Variants in MCHR2 observed in about 807,000 individuals in gnomAD.
MCHR2 encodes melanin concentrating hormone receptor 2.
In MCHR2, 15 loss-of-function variants were observed where a neutral mutation model predicts 24.8. That is an observed-to-expected ratio of 0.60 (90% CI 0.40 to 0.93). The LOEUF (loss-of-function observed/expected upper bound fraction) is 0.93, where lower values mean the gene tolerates loss of function less well. Ranked by LOEUF, MCHR2 falls within the 40% of genes least tolerant of loss-of-function variation. The probability of loss-of-function intolerance (pLI) is 0.00; values close to 1 mark genes in which losing one functional copy is unlikely to be tolerated. For missense variants in MCHR2, 386 were observed against 408.7 expected, an observed-to-expected ratio of 0.94 and a Z score of 0.48; for synonymous variants, 151 against 147.6, an observed-to-expected ratio of 1.02 and a Z score of -0.17.
intron 2 of MCHR2, among the ~76,000 whole-genome samples, 163 bp from the exon 3 acceptor site, chr6:99,948,134 C>G (rs1251660587): frequency 6.6e-6 from 1 of 152,120 alleles, no homozygotes; most frequent in Non-Finnish European, 1.5e-5. Context: ...TGTATTTAAG[C>G]ATTTTGAACT....
At chr6:99,975,559 A>G (rs1330760084) in intron 1 of MCHR2, among the ~76,000 whole-genome samples, 1 of 152,228 alleles carries the variant, frequency 6.6e-6, no homozygotes, top group East Asian at 1.9e-4. Flanking sequence ...CAGCTCGTGC[A>G]TGGTGCGCTG....
intron 2 of MCHR2, among the ~76,000 whole-genome samples, chr6:99,954,294 A>C (rs1775018903): frequency 6.6e-6 from 1 of 152,150 alleles, no homozygotes; most frequent in Non-Finnish European, 1.5e-5. Context: ...TGTGCTTTTT[A>C]AGTGTAATAT....
intron 2 of MCHR2, among the ~76,000 whole-genome samples, chr6:99,950,881 C>T (rs542279228): frequency 5.9e-5 from 9 of 152,136 alleles, no homozygotes; most frequent in Non-Finnish European, 1.0e-4. Flanking sequence ...CATAACACTA[C>T]GCATGTAGGC....
At chr6:99,930,772 C>T (rs1199486377) in intron 5 of MCHR2, among the ~76,000 whole-genome samples, 1 of 151,996 alleles carries the variant, frequency 6.6e-6, no homozygotes, top group Non-Finnish European at 1.5e-5. Context: ...TAACTTCTTT[C>T]CCTTTGGTTT....
At chr6:99,986,380 C>T (rs755780852) in intron 1 of MCHR2, among the ~76,000 whole-genome samples, 1 of 152,130 alleles carries the variant, frequency 6.6e-6, no homozygotes, top group African/African-American at 2.4e-5. Flanking sequence ...GTATGTTTAT[C>T]TAATGCTGTT....
intron 4 of MCHR2, among the ~76,000 whole-genome samples, chr6:99,936,375 T>C (rs1269469965): frequency 1.3e-5 from 2 of 152,046 alleles, no homozygotes; most frequent in African/African-American, 2.4e-5. Flanking sequence ...TTGATTTTTG[T>C]GTATGGTGAG....
At position 99,974,206 on chromosome 6, in the gene MCHR2, G is replaced by A. The variant is rs568714386; in HGVS notation, c.-27-18032C>T. Reference sequence around the variant, plus strand: ...TCACTTTCAGGTACACCAATCAGATGTAGATTTGGTCTTTTCACATAGTCC... The same window carrying A: ...TCACTTTCAGGTACACCAATCAGATATAGATTTGGTCTTTTCACATAGTCC... On this transcript the variant is annotated intron_variant, in intron 1 of 5. Coordinates refer to ENST00000281806, the MANE Select transcript of MCHR2 (RefSeq NM_001040179.2). Among the ~76,000 whole-genome samples the A allele has an allele frequency of 8.5e-3, 1,300 of 152,328 alleles. 5 individuals carry two copies. Among genetic ancestry groups the A allele is most frequent in the Non-Finnish European group, 0.014 (964 of 68,034 alleles).
At chr6:99,982,266 C>T (rs1210169273) in intron 1 of MCHR2, among the ~76,000 whole-genome samples, 1 of 151,858 alleles carries the variant, frequency 6.6e-6, no homozygotes, top group African/African-American at 2.4e-5. Flanking sequence ...GTTAACGACT[C>T]ACATCAACCC....
chr6:99,951,293 A>G (rs576350840), intron 2 of MCHR2, among the ~76,000 whole-genome samples: 63 of 152,210 alleles, frequency 4.1e-4, no homozygotes, highest in African/African-American at 1.3e-3. Context: ...CATTTCCTGA[A>G]GCACTGTGCT....
chr6:99,946,088 A>G (rs1335299135), intron 3 of MCHR2, among the ~76,000 whole-genome samples: 2 of 151,704 alleles, frequency 1.3e-5, no homozygotes, highest in South Asian at 2.1e-4. Flanking sequence ...AGAAGCTCGT[A>G]TTATCCCCAA....
At position 99,977,595 on chromosome 6, in the gene MCHR2, T is replaced by C. The variant is rs544521115; in HGVS notation, c.-28+16341A>G. On this transcript the variant is annotated intron_variant, in intron 1 of 5. Coordinates refer to ENST00000281806, the MANE Select transcript of MCHR2 (RefSeq NM_001040179.2). ...GCATTGGTATAAAGGCAAATGTACT[T>C]CAGGTTGGGGTACATTTATTTTTTT... 1.1e-3 allele frequency among the ~76,000 whole-genome samples: 164 copies of C among 152,262 alleles called. 1 individual carries two copies. The highest frequency in any genetic ancestry group is 3.8e-3 in the African/African-American group (158 of 41,550).
intron 5 of MCHR2, among the ~76,000 whole-genome samples, chr6:99,928,816 GT>G (rs1309786450): frequency 6.6e-6 from 1 of 152,118 alleles, no homozygotes; most frequent in Non-Finnish European, 1.5e-5. Flanking sequence ...TCTTTGAAGG[GT>G]TTTTTGTGTC....
At chr6:99,970,600 C>T (rs1775390688) in intron 1 of MCHR2, among the ~76,000 whole-genome samples, 1 of 152,066 alleles carries the variant, frequency 6.6e-6, no homozygotes, top group African/African-American at 2.4e-5. Context: ...CTTTTGTTGC[C>T]TTTGTTTTTG....
At chr6:99,948,490 A>T (rs138207024) in intron 2 of MCHR2, among the ~76,000 whole-genome samples, 2 of 152,256 alleles carry the variant, frequency 1.3e-5, no homozygotes, top group East Asian at 3.9e-4. Flanking sequence ...TTGGAAGTAG[A>T]TCCTCCAGCC....
At chr6:99,967,016 A>G (rs538508241) in intron 1 of MCHR2, among the ~76,000 whole-genome samples, 1 of 152,294 alleles carries the variant, frequency 6.6e-6, no homozygotes, top group Non-Finnish European at 1.5e-5. Flanking sequence ...ATATTAAAGA[A>G]AAAAGTACTT....
intron 1 of MCHR2, among the ~76,000 whole-genome samples, chr6:99,978,419 A>G (rs1339511500): frequency 5.1e-5 from 2 of 39,088 alleles, no homozygotes; most frequent in African/African-American, 8.3e-5. Flanking sequence ...AGGTCAAGAC[A>G]GTTTTTTTTT....
At chr6:99,956,285 TG>T (rs1344856816) in intron 1 of MCHR2, 111 bp from the exon 2 acceptor site, 2 of 733,320 alleles carry the variant, frequency 2.7e-6, no homozygotes, top group South Asian at 2.1e-5. Context: ...CAAGATTCCA[TG>T]GAACACAGGA....
chr6:99,982,462 G>A (rs1428081572), intron 1 of MCHR2, among the ~76,000 whole-genome samples: 2 of 41,856 alleles, frequency 4.8e-5, no homozygotes, highest in Admixed American at 4.5e-4. Flanking sequence ...AACCTTGTCT[G>A]TACAGAAAAA....
intron 5 of MCHR2, among the ~76,000 whole-genome samples, chr6:99,930,187 A>G (rs1582371667): frequency 6.6e-6 from 1 of 152,122 alleles, no homozygotes; most frequent in African/African-American, 2.4e-5. Context: ...CCTGGCTTGT[A>G]GGGTTTCTGC....
Sources: allele counts gnomAD v4.1 joint callset (sites outside exome capture counted in the v4.1 genomes callset), GRCh38; gene constraint gnomAD v4.1.1; transcripts MANE v1.5; gene names NCBI Gene and HGNC (gene_info 2026-07-23, HGNC 2026-07-21).